The following ABCB5 variants were observed in gnomAD, a reference collection of about 807,000 sequenced individuals.
ABCB5 encodes the protein ATP binding cassette subfamily B member 5.
Under a neutral mutation model 144.2 loss-of-function variants are expected in ABCB5, and 155 were observed. The observed-to-expected ratio is 1.08, with a 90% CI of 0.94 to 1.23. The LOEUF is 1.23. Ranked by LOEUF, ABCB5 falls within the 50% of genes most tolerant of loss-of-function variation. The pLI, the probability that ABCB5 is intolerant of heterozygous loss-of-function variation, is 0.00. For missense variants in ABCB5, 1,830 were observed against 1,520.8 expected, an observed-to-expected ratio of 1.20 and a Z score of -3.38; for synonymous variants, 610 against 528.6, an observed-to-expected ratio of 1.15 and a Z score of -2.11.
chr7:20,653,538 C>T (rs145691281), intron 13 of ABCB5, among the ~76,000 whole-genome samples: 68 of 152,226 alleles, frequency 4.5e-4, no homozygotes, highest in African/African-American at 1.5e-3. Flanking sequence ...ACATATGAGG[C>T]CAAGGGCAGT....
intron 13 of ABCB5, among the ~76,000 whole-genome samples, 198 bp from the exon 14 acceptor site, chr7:20,658,308 G>C (rs1414053994): frequency 1.4e-5 from 2 of 147,080 alleles, no homozygotes; most frequent in African/African-American, 5.0e-5. Flanking sequence ...TTTTTCTTAT[G>C]TCCTCTCTTC....
intron 14 of ABCB5, among the ~76,000 whole-genome samples, chr7:20,681,226 A>G (rs1785818524): frequency 1.3e-5 from 2 of 151,682 alleles, no homozygotes; most frequent in African/African-American, 4.9e-5. Flanking sequence ...TCCTAGGTTC[A>G]AGCGATTCTC....
chr7:20,689,391 G>A (rs1374647212), intron 16 of ABCB5, among the ~76,000 whole-genome samples: 2 of 152,152 alleles, frequency 1.3e-5, no homozygotes, highest in East Asian at 1.9e-4. Context: ...TCCACAGGAC[G>A]GTGCTGAGCT....
chr7:20,636,333 C>G (rs1360896003), intron 5 of ABCB5, among the ~76,000 whole-genome samples: 1 of 151,502 alleles, frequency 6.6e-6, no homozygotes, highest in African/African-American at 2.4e-5. Context: ...ATAGGAGCAT[C>G]CATTTAAAAG....
chr7:20,670,946 A>T (rs1476078849), intron 14 of ABCB5, among the ~76,000 whole-genome samples: 1 of 152,194 alleles, frequency 6.6e-6, no homozygotes, highest in Non-Finnish European at 1.5e-5. Context: ...GAAGCAAGCA[A>T]TAAAAACCTG....
Position 20,628,836 on chromosome 7 carries a change from C to T in ABCB5, c.257C>T (p.Thr86Ile). ...LISGCLVQTN[T>I]TNYQNCTQSQ... ...AGTGGATGTCTAGTCCAAACTAACA[C>T]AAGTGAGTATACGATTATTTTTCTG... Residue 86 changes from threonine (T) to isoleucine (I), a missense_variant and splice_region_variant, in exon 4 of 28, where the codon ACA becomes ATA. By Grantham distance (89) the Thr-to-Ile change is moderately conservative (BLOSUM62 -1). Coordinates refer to ENST00000404938, the MANE Select transcript of ABCB5 (RefSeq NM_001163941.2). 1 of 1,613,324 alleles carries T rather than the reference C, an allele frequency of 6.2e-7. No homozygotes were observed. Among genetic ancestry groups the T allele is most frequent in the Non-Finnish European group, 8.5e-7 (1 of 1,179,654 alleles).
chr7:20,626,740 A>G (rs1012824477), intron 3 of ABCB5, 129 bp downstream of exon 3: 10 of 759,246 alleles, frequency 1.3e-5, no homozygotes, highest in Non-Finnish European at 1.9e-5. Context: ...ATAATTCATT[A>G]AAGTATGATT....
intron 5 of ABCB5, among the ~76,000 whole-genome samples, chr7:20,642,227 A>C (rs73276602): frequency 0.029 from 4,474 of 152,282 alleles, 196 homozygotes; most frequent in African/African-American, 0.1. Context: ...GAATATGCCA[A>C]ATTCTCCAGC....
intron 14 of ABCB5, among the ~76,000 whole-genome samples, chr7:20,679,105 G>GA (rs1001501329): frequency 2.6e-5 from 4 of 151,636 alleles, no homozygotes; most frequent in African/African-American, 4.8e-5. Context: ...AATTGTAAAA[G>GA]AAAAAAAATT....
At chr7:20,627,853 C>G (rs763861219) in intron 3 of ABCB5, among the ~76,000 whole-genome samples, 5 of 152,150 alleles carry the variant, frequency 3.3e-5, no homozygotes, top group Admixed American at 6.5e-5. Flanking sequence ...ATGTGCAGAT[C>G]AGCTTTCCAT....
At chr7:20,632,758 A>G (rs2128019523) in intron 5 of ABCB5, among the ~76,000 whole-genome samples, 1 of 152,034 alleles carries the variant, frequency 6.6e-6, no homozygotes, top group East Asian at 1.9e-4. Flanking sequence ...AACTATCGCA[A>G]GAGCAAAAAA....
chr7:20,698,338 T>C, intron 16 of ABCB5, 69 bp from the exon 17 acceptor site: 1 of 1,338,938 alleles, frequency 7.5e-7, no homozygotes, highest in African/African-American at 1.5e-5. Flanking sequence ...CTGTTTATGA[T>C]GGGCTAACTT....
At chr7:20,669,146 G>A (rs1190908908) in intron 14 of ABCB5, among the ~76,000 whole-genome samples, 1 of 150,486 alleles carries the variant, frequency 6.6e-6, no homozygotes, top group East Asian at 2.1e-4. Context: ...CATCCGGGAG[G>A]TGAGGGGCGC....
At chr7:20,743,261 C>A (rs557249176) in intron 25 of ABCB5, among the ~76,000 whole-genome samples, 187 bp downstream of exon 25, 1 of 152,270 alleles carries the variant, frequency 6.6e-6, no homozygotes, top group South Asian at 2.1e-4. Context: ...ATGGTTAGGA[C>A]TCTGAAGTGA....
chr7:20,692,031 T>C (rs1786247351), intron 16 of ABCB5, among the ~76,000 whole-genome samples: 1 of 152,182 alleles, frequency 6.6e-6, no homozygotes, highest in South Asian at 2.1e-4. Flanking sequence ...TATATCTATA[T>C]TCCGTATGTA....
In ABCB5 at chr7:20,681,552, T is replaced by G. The variant is rs781663848; in HGVS notation, c.1755T>G (p.Thr585=). Residue 585 remains threonine, a synonymous_variant, in exon 15 of 28, where the codon ACT becomes ACG. Transcript: ENST00000404938. ...TCGTGGTAGCACACCGACTTTCTAC[T>G]ATTCGAAGTGCAGATTTGATTGTGA... is the stretch of plus-strand genomic sequence containing the variant. ...TTIVVAHRLS[T]IRSADLIVTL... 1.9e-6 allele frequency: 3 copies of G among 1,614,222 alleles called. No homozygotes were observed. The African/African-American group carries it at 4.0e-5, about 22-fold the overall frequency.
At chr7:20,736,386 T>G (rs927826485) in intron 23 of ABCB5, among the ~76,000 whole-genome samples, 1 of 152,042 alleles carries the variant, frequency 6.6e-6, no homozygotes, top group African/African-American at 2.4e-5. Context: ...CCCAGCTAAT[T>G]TTTGTATTTT....
intron 14 of ABCB5, among the ~76,000 whole-genome samples, chr7:20,677,941 C>T (rs1322067202): frequency 6.6e-6 from 1 of 152,100 alleles, no homozygotes; most frequent in African/African-American, 2.4e-5. Context: ...GCCTCTTCTT[C>T]AAAAACTATT....
chr7:20,620,167 A>G (rs1783779318), intron 1 of ABCB5, among the ~76,000 whole-genome samples: 1 of 152,154 alleles, frequency 6.6e-6, no homozygotes, highest in Non-Finnish European at 1.5e-5. Context: ...ATCAGAAAGG[A>G]CAGTCTATTT....
Sources: gnomAD v4.1 joint callset for allele counts (sites outside exome capture counted in the v4.1 genomes callset) on GRCh38, gnomAD v4.1.1 for gene constraint, MANE v1.5 for transcripts, NCBI Gene and HGNC (gene_info 2026-07-23, HGNC 2026-07-21) for gene names.